Variants in POLR3C observed in about 807,000 individuals in gnomAD.
POLR3C encodes the protein DNA-directed RNA polymerase III subunit RPC3.
In POLR3C, 44 loss-of-function variants were observed where a neutral mutation model predicts 65.9. The ratio of observed to expected loss-of-function variants is 0.67; its 90% CI spans 0.52 to 0.86. POLR3C has a LOEUF of 0.86. POLR3C is among the 40% of genes least tolerant of loss of function. The pLI is 0.00. For synonymous variants in POLR3C, 263 were observed against 231.6 expected (o/e 1.14, Z -1.23); for missense variants, 576 against 653.2 (o/e 0.88, Z 1.29).
At position 145,844,079 on chromosome 1, in the gene POLR3C, G is replaced by A. The variant is rs782007769; in HGVS notation, c.*1659G>A. ...GGTACACTGTTGGGAATGTAAATTG[G>A]TACAGCCACTGTGGAAGACTACAGA... On this transcript the variant is annotated 3_prime_UTR_variant, in exon 15 of 15. Coordinates refer to ENST00000334163, the MANE Select transcript of POLR3C (RefSeq NM_006468.8). 1.1e-4 allele frequency among the ~76,000 whole-genome samples: 16 copies of A among 152,256 alleles called. No homozygotes were observed. Among genetic ancestry groups the A allele is most frequent in the Middle Eastern group, 6.8e-3 (2 of 294 alleles).
chr1:145,827,586 C>T (rs1195871369), intron 4 of POLR3C, among the ~76,000 whole-genome samples: 2 of 151,886 alleles, frequency 1.3e-5, no homozygotes, highest in Admixed American at 1.3e-4. Context: ...CGGGAAACCC[C>T]GTCTATACTA....
At position 145,836,780 on chromosome 1, in the gene POLR3C, T is replaced by G. The variant is rs1553728803; in HGVS notation, c.958-35T>G. On this transcript the variant is annotated intron_variant, in intron 8 of 14. Coordinates refer to ENST00000334163, the MANE Select transcript of POLR3C (RefSeq NM_006468.8). Reference sequence around the variant, plus strand: ...CATTGGAAACAGAATCACTGGACTTTCCGTTCAGTTAACACTCTCTCTTTT... The same window carrying G: ...CATTGGAAACAGAATCACTGGACTTGCCGTTCAGTTAACACTCTCTCTTTT... 5 of 1,404,990 alleles carry G rather than the reference T, an allele frequency of 3.6e-6. No individual in the cohort carries two copies. The Admixed American group carries it at 6.9e-5, about 19-fold the overall frequency. The allele number at this position is 1,404,990 out of a possible 1,614,324, so 87.0% of individuals were successfully genotyped here. A position where few individuals can be genotyped will look rare whatever the true frequency, so the allele number is the denominator to read the frequency against.
At chr1:145,826,045 A>G in intron 2 of POLR3C, 122 bp downstream of exon 2, 3 of 764,812 alleles carry the variant, frequency 3.9e-6, no homozygotes, top group Non-Finnish European at 6.4e-6. Flanking sequence ...TTGGAGCAGA[A>G]CAATGTTATT....
rs2101645028 is a variant in POLR3C, at chr1:145,833,598, T to C, written c.876+16T>C. 6.7e-7 allele frequency: 1 copy of C among 1,485,368 alleles called. No individual in the cohort carries two copies. Among genetic ancestry groups the C allele is most frequent in the Non-Finnish European group, 9.4e-7 (1 of 1,062,362 alleles). 92.0% of individuals were successfully genotyped at this position (1,485,368 alleles called of 1,614,324 possible). ...TTCCAATGAGGTGAGTTTCATGTTC[T>C]TGCACTAACTTTCTGACAGATTCTT... On this transcript the variant is annotated intron_variant, in intron 7 of 14. Coordinates refer to ENST00000334163, the MANE Select transcript of POLR3C (RefSeq NM_006468.8).
Position 145,825,903 on chromosome 1 carries a change from A to T in POLR3C, c.127A>T (p.Thr43Ser), listed in dbSNP as rs1553725642. 5 of 1,613,346 alleles carry T rather than the reference A, an allele frequency of 3.1e-6. No homozygotes were observed. Among genetic ancestry groups the T allele is most frequent in the Non-Finnish European group, 4.2e-6 (5 of 1,179,290 alleles). The stretch of plus-strand genomic sequence containing the variant: ...GCCACTAAGAGTAATTGCCCATGAC[A>T]CAGGAACATCACTGGATCAGGTATG... ...SQPLRVIAHD[T>S]GTSLDQVKKA... Residue 43 changes from threonine (T) to serine (S), a missense_variant, in exon 2 of 15, where the codon ACA (threonine) becomes TCA (serine). Coordinates refer to ENST00000334163, the MANE Select transcript of POLR3C (RefSeq NM_006468.8).
At chr1:145,827,786 G>A (rs1241634731) in intron 4 of POLR3C, among the ~76,000 whole-genome samples, 1 of 150,022 alleles carries the variant, frequency 6.7e-6, no homozygotes, top group South Asian at 2.1e-4. Flanking sequence ...AAAATAGCCA[G>A]GTATGGTGGC....
chr1:145,830,131 C>T (rs781978115), intron 5 of POLR3C, among the ~76,000 whole-genome samples: 1 of 151,848 alleles, frequency 6.6e-6, no homozygotes, highest in Non-Finnish European at 1.5e-5. Context: ...GTTATACTTA[C>T]GTGCATTTTT....
In POLR3C at chr1:145,836,519, A is replaced by G. The variant is rs1651860164; in HGVS notation, c.902A>G (p.Tyr301Cys). ...ATCTTCAGATCCCTACCTGTTGGCT[A>G]TAACATCTCTAAGCAAGTTCTTGAT... ...NEIFRSLPVG[Y>C]NISKQVLDQY... The change falls in exon 8 of 15, where the codon TAT (tyrosine) becomes TGT (cysteine). Residue 301 changes from tyrosine to cysteine, a missense_variant. By Grantham distance (194) the Tyr-to-Cys change is radical. Coordinates refer to ENST00000334163, the MANE Select transcript of POLR3C (RefSeq NM_006468.8). 1.9e-6 allele frequency: 3 copies of G among 1,606,068 alleles called. No individual in the cohort carries two copies. The highest frequency in any genetic ancestry group is 2.6e-6 in the Non-Finnish European group (3 of 1,172,828).
chr1:145,837,939 C>T (rs1197045611), intron 10 of POLR3C, 117 bp from the exon 11 acceptor site: 1 of 890,500 alleles, frequency 1.1e-6, no homozygotes, highest in Non-Finnish European at 1.7e-6. Context: ...ATTTTCTGAT[C>T]ACTGTTCCTG....
chr1:145,843,456 C>T lies in POLR3C; in HGVS notation c.*1036C>T, dbSNP rs782439348. ...ACTTGAGTGTCAAACAATTGCCAGCCACCATACTAAACACAACATACAAGG... is the reference window on the plus strand; with the variant it reads ...ACTTGAGTGTCAAACAATTGCCAGCTACCATACTAAACACAACATACAAGG... On this transcript the variant is annotated 3_prime_UTR_variant, in exon 15 of 15. Coordinates refer to ENST00000334163, the MANE Select transcript of POLR3C (RefSeq NM_006468.8). 3.3e-5 allele frequency among the ~76,000 whole-genome samples: 5 copies of T among 152,138 alleles called. No homozygotes were observed. Among genetic ancestry groups the T allele is most frequent in the Non-Finnish European group, 7.4e-5 (5 of 68,020 alleles).
At chr1:145,834,812 G>A (rs1651666158) in intron 7 of POLR3C, among the ~76,000 whole-genome samples, 1 of 152,084 alleles carries the variant, frequency 6.6e-6, no homozygotes, top group South Asian at 2.1e-4. Flanking sequence ...GCATGACTGT[G>A]TTTAAATATT....
At position 145,833,359 on chromosome 1, in the gene POLR3C, G is replaced by C. The variant is rs199578888; in HGVS notation, c.778G>C (p.Asp260His). 6.2e-7 allele frequency: 1 copy of C among 1,605,652 alleles called. No individual in the cohort carries two copies. Among genetic ancestry groups the C allele is most frequent in the Non-Finnish European group, 8.5e-7 (1 of 1,172,554 alleles). Residue 260 changes from aspartate (D) to histidine (H), a missense_variant, in exon 6 of 15, where the codon GAC becomes CAC. Coordinates refer to ENST00000334163, the MANE Select transcript of POLR3C (RefSeq NM_006468.8). ...AIVSAVANRMDQTSSEIVRTM... is the reference protein window; with the variant it reads ...AIVSAVANRMHQTSSEIVRTM... Reference sequence around the variant, plus strand: ...TGTGAGCGCAGTTGCTAACAGGATGGACCAGGTAATACCTAAGTGGGTCTG... The same window carrying C: ...TGTGAGCGCAGTTGCTAACAGGATGCACCAGGTAATACCTAAGTGGGTCTG...
Position 145,838,078 on chromosome 1 carries a change from A to T in POLR3C, c.1093A>T (p.Ile365Leu). Residue 365 changes from isoleucine to leucine, a missense_variant, in exon 11 of 15, where the codon ATA becomes TTA. Transcript: ENST00000334163. Reference sequence around the variant, plus strand: ...CAGATTTGGGTCTCGCTGTGCTAGAATATTCCGTCTAGTTTTGCAGAAGAA... The same window carrying T: ...CAGATTTGGGTCTCGCTGTGCTAGATTATTCCGTCTAGTTTTGCAGAAGAA... ...QERFGSRCAR[I>L]FRLVLQKKHI... is the part of the protein sequence containing the mutation. 1 of 1,614,158 alleles carries T rather than the reference A, an allele frequency of 6.2e-7. No homozygotes were observed. Among genetic ancestry groups the T allele is most frequent in the African/African-American group, 1.3e-5 (1 of 75,054 alleles).
intron 13 of POLR3C, among the ~76,000 whole-genome samples, chr1:145,840,697 G>C (rs145063377): frequency 2.4e-3 from 373 of 152,298 alleles, no homozygotes; most frequent in African/African-American, 8.4e-3. Flanking sequence ...AAATTTGTGA[G>C]AAACGTACAA....
chr1:145,836,877 C>T lies in POLR3C; in HGVS notation c.1009+11C>T. 1 of 1,509,530 alleles carries T rather than the reference C, an allele frequency of 6.6e-7. No individual in the cohort carries two copies. The highest frequency in any genetic ancestry group is 9.2e-7 in the Non-Finnish European group (1 of 1,091,794). The allele number at this position is 1,509,530 out of a possible 1,614,324, so 93.5% of individuals were successfully genotyped here. A position where few individuals can be genotyped will look rare whatever the true frequency, so the allele number is the denominator to read the frequency against. On this transcript the variant is annotated intron_variant, in intron 9 of 14. Coordinates refer to ENST00000334163, the MANE Select transcript of POLR3C (RefSeq NM_006468.8). ...GAATGTATGTCATCAGTATCCTTACCAGTTATTTCCTTAGAGTCAGGCAGC... is the reference window on the plus strand; with the variant it reads ...GAATGTATGTCATCAGTATCCTTACTAGTTATTTCCTTAGAGTCAGGCAGC...
intron 14 of POLR3C, among the ~76,000 whole-genome samples, chr1:145,841,277 T>G (rs1170667940): frequency 6.6e-6 from 1 of 152,202 alleles, no homozygotes; most frequent in Non-Finnish European, 1.5e-5. Context: ...ATACACTCTC[T>G]TGTTCATCAA....
intron 7 of POLR3C, among the ~76,000 whole-genome samples, chr1:145,833,920 C>T (rs1266031340): frequency 6.6e-6 from 1 of 152,126 alleles, no homozygotes; most frequent in Non-Finnish European, 1.5e-5. Context: ...TTTAATATAT[C>T]CAATATGTGT....
chr1:145,831,226 G>A (rs1274867976), intron 5 of POLR3C, among the ~76,000 whole-genome samples: 1 of 152,128 alleles, frequency 6.6e-6, no homozygotes, highest in Non-Finnish European at 1.5e-5. Context: ...ATAATAGAGA[G>A]TTCCAGGATA....
chr1:145,827,634 C>G (rs1380612428), intron 4 of POLR3C, among the ~76,000 whole-genome samples: 1 of 151,918 alleles, frequency 6.6e-6, no homozygotes, highest in Non-Finnish European at 1.5e-5. Context: ...TGGCGGGCAT[C>G]TGTAGTCCCA....
Sources: gnomAD v4.1 joint callset for allele counts (sites outside exome capture counted in the v4.1 genomes callset) on GRCh38, gnomAD v4.1.1 for gene constraint, MANE v1.5 for transcripts, NCBI Gene and HGNC (gene_info 2026-07-23, HGNC 2026-07-21) for gene names.